CELF4: variants seen among roughly 807,000 people sequenced by gnomAD.
The protein encoded by CELF4 is CUG-BP- and ETR-3-like factor 4.
A neutral mutation model predicts 59.9 loss-of-function variants in CELF4; 18 were observed. The observed-to-expected ratio is 0.30, with a 90% CI of 0.21 to 0.45. The LOEUF (loss-of-function observed/expected upper bound fraction) is 0.45, where lower values mean the gene tolerates loss of function less well. Among genes scored for constraint, CELF4 ranks in the 20% least tolerant of loss-of-function variants. The pLI, the probability that CELF4 is intolerant of heterozygous loss-of-function variation, is 1.00. For synonymous variants in CELF4, 261 were observed against 267.1 expected, an observed-to-expected ratio of 0.98 and a Z score of 0.22; for missense variants, 456 against 689.0, an observed-to-expected ratio of 0.66 and a Z score of 3.79.
At chr18:37,304,969 G>A (rs1248226581) in intron 3 of CELF4, among the ~76,000 whole-genome samples, 5 of 152,214 alleles carry the variant, frequency 3.3e-5, no homozygotes, top group Non-Finnish European at 2.9e-5. Context: ...CCAGGTGGGG[G>A]AGCATGGCTC....
At chr18:37,444,941 G>T (rs1406914555) in intron 2 of CELF4, among the ~76,000 whole-genome samples, 1 of 152,176 alleles carries the variant, frequency 6.6e-6, no homozygotes, top group Non-Finnish European at 1.5e-5. Flanking sequence ...GCGTGACGCG[G>T]GCTCCTGGGC....
At chr18:37,471,451 AAGCCCTTCCTGAACTCC>A (rs573159392) in intron 2 of CELF4, among the ~76,000 whole-genome samples, 67 of 152,180 alleles carry the variant, frequency 4.4e-4, no homozygotes, top group Admixed American at 2.7e-3. Flanking sequence ...TCCCGTCCCC[AAGCCCTTCCTGAACTCC>A]AGCCAGCGCC....
chr18:37,466,106 A>G (rs1257490747), intron 2 of CELF4, among the ~76,000 whole-genome samples: 1 of 152,212 alleles, frequency 6.6e-6, no homozygotes, highest in Non-Finnish European at 1.5e-5. Context: ...GGGGCCAGCT[A>G]AGTCGCGCCT....
chr18:37,429,307 T>TA (rs2099633572), intron 2 of CELF4, among the ~76,000 whole-genome samples: 1 of 152,066 alleles, frequency 6.6e-6, no homozygotes. Flanking sequence ...CATGTGTAAG[T>TA]CTGTGTGTGT....
At chr18:37,288,039 A>G (rs2094973436) in intron 3 of CELF4, among the ~76,000 whole-genome samples, 2 of 152,200 alleles carry the variant, frequency 1.3e-5, no homozygotes, top group Admixed American at 6.5e-5. Context: ...CAAAATAACA[A>G]GGAATGCTCT....
chr18:37,319,504 G>C (rs2097008932), intron 3 of CELF4, among the ~76,000 whole-genome samples: 1 of 152,220 alleles, frequency 6.6e-6, no homozygotes, highest in African/African-American at 2.4e-5. Flanking sequence ...TTGGGAGGGG[G>C]CCTGAGTCCT....
At chr18:37,511,302 T>C (rs949108334) in intron 1 of CELF4, among the ~76,000 whole-genome samples, 6 of 152,148 alleles carry the variant, frequency 3.9e-5, no homozygotes, top group Non-Finnish European at 8.8e-5. Context: ...CTCATGAGCA[T>C]GTGAGCCTTG....
At chr18:37,330,434 A>ATAT (rs2097498256) in intron 2 of CELF4, among the ~76,000 whole-genome samples, 1 of 152,206 alleles carries the variant, frequency 6.6e-6, no homozygotes, top group African/African-American at 2.4e-5. Context: ...TTGTAAATAT[A>ATAT]TTAATGCTTT....
At chr18:37,457,097 C>T (rs534952997) in intron 2 of CELF4, among the ~76,000 whole-genome samples, 2 of 152,324 alleles carry the variant, frequency 1.3e-5, no homozygotes, top group Admixed American at 1.3e-4. Flanking sequence ...GTGGCTGCTT[C>T]TATCACTGGG....
chr18:37,442,222 T>G (rs936213526), intron 2 of CELF4, among the ~76,000 whole-genome samples: 9 of 152,060 alleles, frequency 5.9e-5, no homozygotes, highest in Admixed American at 2.0e-4. Flanking sequence ...ATTAAAAAAA[T>G]GACGAACATG....
Position 37,259,274 on chromosome 18 carries a change from GGGGAGGGGGTGGGCGGGGGAGGA to G in CELF4, c.1250-33_1250-11del. The G allele has an allele frequency of 7.3e-7, 1 of 1,378,696 alleles. No individual in the cohort carries two copies. The highest frequency in any genetic ancestry group is 1.0e-6 in the Non-Finnish European group (1 of 975,030). The allele number at this position is 1,378,696 out of a possible 1,614,324, so 85.4% of individuals were successfully genotyped here. ...TTACAGCCCTCGGGCCCTGCGGTGA[GGGGAGGGGGTGGGCGGGGGAGGA>G]GGGATGGCAGGGTGGGGGAAGAGAG... On this transcript the variant is annotated splice_polypyrimidine_tract_variant and intron_variant, in intron 10 of 12. Coordinates refer to ENST00000420428, the MANE Select transcript of CELF4 (RefSeq NM_020180.4).
At chr18:37,515,130 G>C (rs963911083) in intron 1 of CELF4, among the ~76,000 whole-genome samples, 6 of 152,142 alleles carry the variant, frequency 3.9e-5, no homozygotes, top group Non-Finnish European at 8.8e-5. Context: ...ATCTGCATGA[G>C]AGCCAATTAT....
intron 3 of CELF4, among the ~76,000 whole-genome samples, chr18:37,289,935 G>A (rs1240870334): frequency 1.3e-5 from 2 of 152,166 alleles, no homozygotes; most frequent in Non-Finnish European, 2.9e-5. Flanking sequence ...TGGTGGCTCT[G>A]GTCACCTCCA....
rs1239818403 is a variant in CELF4 at position 37,243,660 on chromosome 18, C to T, written c.*1582G>A. On this transcript the variant is annotated 3_prime_UTR_variant, in exon 13 of 13. Coordinates refer to ENST00000420428, the MANE Select transcript of CELF4 (RefSeq NM_020180.4). ...AAATTTATTTACAGAAAAACAGAGC[C>T]GGCATCATTTAAACATCCCTGTTTT... 1.3e-5 allele frequency: 2 copies of T among 152,220 alleles called. No individual in the cohort carries two copies. Among genetic ancestry groups the T allele is most frequent in the Non-Finnish European group, 2.9e-5 (2 of 68,124 alleles). The allele number at this position is 152,220 out of a possible 1,614,324, so 9.4% of individuals were successfully genotyped here. A position where few individuals can be genotyped will look rare whatever the true frequency, so the allele number is the denominator to read the frequency against.
chr18:37,494,923 C>T (rs975550805), intron 1 of CELF4, among the ~76,000 whole-genome samples: 1 of 152,178 alleles, frequency 6.6e-6, no homozygotes, highest in African/African-American at 2.4e-5. Context: ...CCCGCAGACA[C>T]CCAAGTAGAG....
At chr18:37,493,039 T>C (rs1415494811) in intron 1 of CELF4, among the ~76,000 whole-genome samples, 2 of 152,202 alleles carry the variant, frequency 1.3e-5, no homozygotes, top group African/African-American at 2.4e-5. Context: ...TCCCTCTCTC[T>C]TCCCACTCCT....
At chr18:37,563,155 A>C (rs2099987087) in intron 1 of CELF4, among the ~76,000 whole-genome samples, 4 of 151,704 alleles carry the variant, frequency 2.6e-5, no homozygotes, top group Admixed American at 6.6e-5. Flanking sequence ...CAAATGATGA[A>C]AATTCTACTT....
chr18:37,334,639 C>G (rs1030419813), intron 2 of CELF4, among the ~76,000 whole-genome samples: 1 of 152,174 alleles, frequency 6.6e-6, no homozygotes, highest in East Asian at 1.9e-4. Flanking sequence ...CCCTCCACTC[C>G]CCCCGGACTG....
chr18:37,363,185 G>T (rs2098732328), intron 2 of CELF4, among the ~76,000 whole-genome samples: 1 of 152,144 alleles, frequency 6.6e-6, no homozygotes, highest in African/African-American at 2.4e-5. Context: ...GTGTGGGGAG[G>T]GGACGAGGGT....
Sources: allele counts gnomAD v4.1 joint callset (sites outside exome capture counted in the v4.1 genomes callset), GRCh38; gene constraint gnomAD v4.1.1; transcripts MANE v1.5; gene names NCBI Gene and HGNC (gene_info 2026-07-23, HGNC 2026-07-21).